Variants in SHISA9 observed in about 807,000 individuals in gnomAD.
SHISA9 encodes the protein protein shisa-9.
In SHISA9, 13 loss-of-function variants were observed where a neutral mutation model predicts 38.0. The ratio of observed to expected loss-of-function variants is 0.34; its 90% CI spans 0.22 to 0.54. SHISA9 has a LOEUF of 0.54. SHISA9 is among the 20% of genes least tolerant of loss of function. SHISA9 has a pLI of 0.91. For synonymous variants in SHISA9, 275 were observed against 242.0 expected (o/e 1.14, Z -1.27); for missense variants, 538 against 575.8 (o/e 0.93, Z 0.67).
At chr16:13,194,673 C>T (rs1169154549) in intron 2 of SHISA9, among the ~76,000 whole-genome samples, 4 of 152,108 alleles carry the variant, frequency 2.6e-5, no homozygotes, top group Non-Finnish European at 5.9e-5. Context: ...CCTACCCAGG[C>T]ATATGGAAGT....
At chr16:13,019,874 CCCTCCCTCCCTTCTTTCTTTCTTTCTTT>C (rs1160414864) in intron 2 of SHISA9, among the ~76,000 whole-genome samples, 29 of 33,282 alleles carry the variant, frequency 8.7e-4, no homozygotes, top group African/African-American at 2.3e-3. Flanking sequence ...CTCCCTCCCT[CCCTCCCTCCCTTCTTTCTTTCTTTCTTT>C]CTTTCTTTCT....
intron 3 of SHISA9, among the ~76,000 whole-genome samples, chr16:13,208,578 C>T (rs1301329018): frequency 6.6e-6 from 1 of 151,898 alleles, no homozygotes; most frequent in Non-Finnish European, 1.5e-5. Flanking sequence ...ACATGCACCA[C>T]CTAGTCATAC....
the SHISA9 span, among the ~76,000 whole-genome samples, chr16:13,304,723 A>G: frequency 6.6e-6 from 1 of 152,208 alleles, no homozygotes; most frequent in Non-Finnish European, 1.5e-5. Context: ...TATTAGTCCC[A>G]TCTCACAGAT....
chr16:13,249,122 G>T, the SHISA9 span, among the ~76,000 whole-genome samples: 1 of 152,192 alleles, frequency 6.6e-6, no homozygotes, highest in Admixed American at 6.5e-5. Flanking sequence ...ACAAGAAAAA[G>T]GATGTGAGGA....
chr16:13,554,355 G>A, the SHISA9 span, among the ~76,000 whole-genome samples: 4 of 151,000 alleles, frequency 2.6e-5, no homozygotes, highest in South Asian at 4.2e-4. Context: ...GAAGGGCATG[G>A]GGATAAGGAA....
intron 2 of SHISA9, among the ~76,000 whole-genome samples, chr16:13,156,446 C>T (rs558947572): frequency 1.5e-3 from 226 of 152,296 alleles, no homozygotes; most frequent in African/African-American, 5.0e-3. Flanking sequence ...TATAAAATTA[C>T]TTCCTTGGCC....
intron 2 of SHISA9, among the ~76,000 whole-genome samples, chr16:13,076,113 C>T (rs958601058): frequency 1.3e-5 from 2 of 151,580 alleles, no homozygotes; most frequent in African/African-American, 4.9e-5. Context: ...TTGCTGCAAC[C>T]TCCACCTCCC....
chr16:13,084,865 C>T (rs251917), intron 2 of SHISA9, among the ~76,000 whole-genome samples: 2 of 151,986 alleles, frequency 1.3e-5, no homozygotes, highest in African/African-American at 2.4e-5. Flanking sequence ...TCCAGGCAGA[C>T]GGAACAGCTT....
intron 2 of SHISA9, among the ~76,000 whole-genome samples, chr16:12,990,258 C>A (rs2072367619): frequency 6.6e-6 from 1 of 152,158 alleles, no homozygotes; most frequent in South Asian, 2.1e-4. Flanking sequence ...GTGCATCTAT[C>A]TTTATAATCA....
At chr16:13,049,156 ATGTGTGTGTGTGTGTGTGTGTG>A (rs10526925) in intron 2 of SHISA9, among the ~76,000 whole-genome samples, 2 of 63,958 alleles carry the variant, frequency 3.1e-5, no homozygotes, top group East Asian at 2.6e-4. Context: ...GGTTAGGAGT[ATGTGTGTGTGTGTGTGTGTGTG>A]TGTGTGTGTG....
chr16:13,098,863 C>A (rs1395031727), intron 2 of SHISA9, among the ~76,000 whole-genome samples: 1 of 152,220 alleles, frequency 6.6e-6, no homozygotes, highest in African/African-American at 2.4e-5. Context: ...TCTTGGGCAA[C>A]CCCCTTTGTC....
At chr16:13,534,834 C>G in the SHISA9 span, among the ~76,000 whole-genome samples, 1 of 152,124 alleles carries the variant, frequency 6.6e-6, no homozygotes. Flanking sequence ...CTCCTCTCCT[C>G]TTATCTTTGC....
intron 2 of SHISA9, among the ~76,000 whole-genome samples, chr16:13,132,621 T>G (rs910163803): frequency 6.6e-6 from 1 of 152,156 alleles, no homozygotes; most frequent in Admixed American, 6.6e-5. Flanking sequence ...GAGGCAAAAC[T>G]GCCCCCATTA....
At chr16:13,358,341 T>C in the SHISA9 span, among the ~76,000 whole-genome samples, 2 of 152,310 alleles carry the variant, frequency 1.3e-5, no homozygotes, top group Admixed American at 1.3e-4. Context: ...CTTGGGATTT[T>C]GGACTTTAAA....
the SHISA9 span, among the ~76,000 whole-genome samples, chr16:13,294,875 C>T: frequency 6.6e-6 from 1 of 152,150 alleles, no homozygotes; most frequent in East Asian, 1.9e-4. Flanking sequence ...AATGAAAGCA[C>T]GTCCAGAGTT....
chr16:13,058,510 A>G (rs527741050), intron 2 of SHISA9, among the ~76,000 whole-genome samples: 4 of 152,130 alleles, frequency 2.6e-5, no homozygotes, highest in South Asian at 2.1e-4. Context: ...CATTATTCCT[A>G]TTTTCCAGAT....
At chr16:13,190,593 T>TGTGAA (rs2050875345) in intron 2 of SHISA9, among the ~76,000 whole-genome samples, 1 of 152,164 alleles carries the variant, frequency 6.6e-6, no homozygotes, top group Non-Finnish European at 1.5e-5. Flanking sequence ...AACCTCTGTT[T>TGTGAA]TGCTGCTTCA....
At chr16:13,279,626 C>T in the SHISA9 span, among the ~76,000 whole-genome samples, 1,607 of 152,008 alleles carry the variant, frequency 0.011, 32 homozygotes, top group African/African-American at 0.037. Context: ...TATTCTACAA[C>T]TGATGGATGT....
chr16:13,469,877 C>G, the SHISA9 span, among the ~76,000 whole-genome samples: 1 of 152,276 alleles, frequency 6.6e-6, no homozygotes, highest in Non-Finnish European at 1.5e-5. Flanking sequence ...CTCTTTTCAA[C>G]TAAAGAGTAC....
Sources: allele counts gnomAD v4.1 joint callset (sites outside exome capture counted in the v4.1 genomes callset), GRCh38; gene constraint gnomAD v4.1.1; transcripts MANE v1.5; gene names NCBI Gene and HGNC (gene_info 2026-07-23, HGNC 2026-07-21).